The following DNAJC1 variants were observed in gnomAD, a reference collection of about 807,000 sequenced individuals.
The protein encoded by DNAJC1 is dnaJ homolog subfamily C member 1.
DNAJC1 carries 58 observed loss-of-function variants against 76.6 expected under a neutral mutation model. The observed-to-expected ratio is 0.76, with a 90% CI of 0.61 to 0.94. DNAJC1 has a LOEUF of 0.94. Among genes scored for constraint, DNAJC1 ranks in the 40% least tolerant of loss-of-function variants. The pLI is 0.00. For missense variants in DNAJC1, 689 were observed against 677.3 expected (o/e 1.02, Z -0.19); for synonymous variants, 258 against 267.9 (o/e 0.96, Z 0.36).
At chr10:21,803,035 T>C (rs114262823) in intron 9 of DNAJC1, among the ~76,000 whole-genome samples, 5,434 of 152,186 alleles carry the variant, frequency 0.036, 173 homozygotes, top group African/African-American at 0.071. Flanking sequence ...CTTAAAAAAA[T>C]ATTGCTTGTG....
intron 8 of DNAJC1, among the ~76,000 whole-genome samples, chr10:21,829,239 G>C (rs1264874685): frequency 6.6e-6 from 1 of 151,462 alleles, no homozygotes; most frequent in East Asian, 1.9e-4. Flanking sequence ...TTTTGAGATG[G>C]AGTCTCGCTT....
At chr10:21,828,138 T>A (rs1174454000) in intron 8 of DNAJC1, among the ~76,000 whole-genome samples, 1 of 152,250 alleles carries the variant, frequency 6.6e-6, no homozygotes, top group Non-Finnish European at 1.5e-5. Flanking sequence ...TTGTTATTAC[T>A]GCAAAACAAA....
chr10:21,978,161 T>C (rs1187770955), intron 1 of DNAJC1, among the ~76,000 whole-genome samples: 2 of 152,112 alleles, frequency 1.3e-5, no homozygotes, highest in Non-Finnish European at 2.9e-5. Context: ...TTCTTAACTT[T>C]TTAAATAGGT....
chr10:21,933,583 TG>T (rs1047783454), intron 1 of DNAJC1: 5 of 152,224 alleles, frequency 3.3e-5, no homozygotes, highest in Admixed American at 2.6e-4. Context: ...CTAAGAAAGA[TG>T]TAAACTGCCC....
At chr10:21,838,261 C>T (rs945730158) in intron 8 of DNAJC1, among the ~76,000 whole-genome samples, 21 of 152,310 alleles carry the variant, frequency 1.4e-4, no homozygotes, top group African/African-American at 4.8e-4. Context: ...TAGGAGACTC[C>T]ATTTTGTTCT....
intron 1 of DNAJC1, among the ~76,000 whole-genome samples, chr10:21,975,776 C>A (rs1013898009): frequency 6.6e-6 from 1 of 152,172 alleles, no homozygotes; most frequent in Non-Finnish European, 1.5e-5. Flanking sequence ...TTCTGAATAC[C>A]TTCTTTGCTG....
intron 1 of DNAJC1, among the ~76,000 whole-genome samples, chr10:21,956,682 T>C (rs1369216603): frequency 2.0e-5 from 3 of 151,604 alleles, no homozygotes; most frequent in Non-Finnish European, 4.4e-5. Flanking sequence ...ATTTTTTGCC[T>C]GGATCATTAC....
chr10:21,799,345 CT>C (rs1834786730), intron 9 of DNAJC1, among the ~76,000 whole-genome samples: 2 of 152,232 alleles, frequency 1.3e-5, no homozygotes, highest in Admixed American at 1.3e-4. Context: ...ATCACCCAGG[CT>C]GGAGTGCAGT....
intron 1 of DNAJC1, among the ~76,000 whole-genome samples, chr10:21,949,754 C>G (rs909298047): frequency 1.2e-4 from 18 of 151,884 alleles, no homozygotes; most frequent in African/African-American, 4.4e-4. Context: ...CTAGGTAAAC[C>G]AGTCCTCGAA....
Position 21,769,208 on chromosome 10 carries a change from G to T in DNAJC1, c.1099-2899C>A, listed in dbSNP as rs10740991. On this transcript the variant is annotated intron_variant, in intron 9 of 11. Coordinates refer to ENST00000376980, the MANE Select transcript of DNAJC1 (RefSeq NM_022365.4). ...CTTTAGAAAAGAAATGATTAACCTA[G>T]GTCTCTGGCCCTGACTTCTACCTTG... is the stretch of plus-strand genomic sequence containing the variant. Among the ~76,000 whole-genome samples, 25 of 152,190 alleles carry T rather than the reference G, an allele frequency of 1.6e-4. 1 individual carries two copies. The highest frequency in any genetic ancestry group is 5.8e-4 in the African/African-American group (24 of 41,542).
chr10:21,848,359 G>A (rs1300992186), intron 8 of DNAJC1, among the ~76,000 whole-genome samples: 1 of 152,118 alleles, frequency 6.6e-6, no homozygotes, highest in African/African-American at 2.4e-5. Flanking sequence ...TCCCTTGTCA[G>A]ATGAATAGTT....
At chr10:21,959,419 C>A (rs1837748692) in intron 1 of DNAJC1, among the ~76,000 whole-genome samples, 1 of 152,150 alleles carries the variant, frequency 6.6e-6, no homozygotes, top group East Asian at 1.9e-4. Context: ...TGAGCTACTG[C>A]GCCCAGCCAC....
chr10:21,793,789 A>G (rs1834720366), intron 9 of DNAJC1, among the ~76,000 whole-genome samples: 1 of 151,994 alleles, frequency 6.6e-6, no homozygotes, highest in African/African-American at 2.4e-5. Flanking sequence ...CTTTACAAAT[A>G]AAAAATTAAA....
intron 8 of DNAJC1, among the ~76,000 whole-genome samples, chr10:21,831,081 T>G (rs1441125133): frequency 6.6e-6 from 1 of 152,200 alleles, no homozygotes; most frequent in Non-Finnish European, 1.5e-5. Context: ...TGAGTTTTAA[T>G]AGTGGGCACA....
At chr10:21,970,558 T>C (rs1347830170) in intron 1 of DNAJC1, among the ~76,000 whole-genome samples, 1 of 151,996 alleles carries the variant, frequency 6.6e-6, no homozygotes, top group Non-Finnish European at 1.5e-5. Context: ...GTTCAAATAT[T>C]TGTTACTGTC....
chr10:21,856,126 A>G (rs1226922441), intron 8 of DNAJC1, among the ~76,000 whole-genome samples: 1 of 152,178 alleles, frequency 6.6e-6, no homozygotes, highest in African/African-American at 2.4e-5. Context: ...CTGAAGGTAG[A>G]TATTATCTCT....
chr10:21,964,308 G>A (rs368575880), intron 1 of DNAJC1, among the ~76,000 whole-genome samples: 17 of 152,114 alleles, frequency 1.1e-4, no homozygotes, highest in Admixed American at 5.2e-4. Flanking sequence ...TCCACCTCCC[G>A]GGCTGAAGCA....
chr10:21,907,710 C>T (rs1210310334), intron 6 of DNAJC1, among the ~76,000 whole-genome samples: 3 of 151,920 alleles, frequency 2.0e-5, no homozygotes, highest in Non-Finnish European at 2.9e-5. Context: ...GGTGTGGTGG[C>T]TCACACCTGC....
At chr10:21,931,674 G>A (rs554790437) in intron 1 of DNAJC1, among the ~76,000 whole-genome samples, 10 of 152,134 alleles carry the variant, frequency 6.6e-5, no homozygotes, top group Non-Finnish European at 1.5e-4. Context: ...TAACTACAAT[G>A]TGAATATGTT....
Sources: gnomAD v4.1 joint callset for allele counts (sites outside exome capture counted in the v4.1 genomes callset) on GRCh38, gnomAD v4.1.1 for gene constraint, MANE v1.5 for transcripts, NCBI Gene and HGNC (gene_info 2026-07-23, HGNC 2026-07-21) for gene names.